STARD13: variants seen among roughly 807,000 people sequenced by gnomAD.
The protein encoded by STARD13 is StAR related lipid transfer domain containing 13.
In STARD13, 62 loss-of-function variants were observed where a neutral mutation model predicts 106.4. The observed-to-expected ratio is 0.58, with a 90% CI of 0.48 to 0.72. The LOEUF (loss-of-function observed/expected upper bound fraction) is 0.72. Among genes scored for constraint, STARD13 ranks in the 30% least tolerant of loss-of-function variants. STARD13 has a pLI of 0.00. For synonymous variants in STARD13, 565 were observed against 553.0 expected, an observed-to-expected ratio of 1.02 and a Z score of -0.31; for missense variants, 1,387 against 1,424.0, an observed-to-expected ratio of 0.97 and a Z score of 0.42.
At chr13:33,496,225 AT>A in the STARD13 span, among the ~76,000 whole-genome samples, 3 of 146,786 alleles carry the variant, frequency 2.0e-5, no homozygotes, top group African/African-American at 4.9e-5. Flanking sequence ...ACATAATATA[AT>A]TTATAGTATA....
chr13:33,262,662 A>ACAACACACAC (rs5802678), intron 1 of STARD13, among the ~76,000 whole-genome samples: 17 of 114,986 alleles, frequency 1.5e-4, no homozygotes, highest in African/African-American at 5.2e-4. Flanking sequence ...ACACACACAC[A>ACAACACACAC]ACACACACAC....
chr13:33,187,645 A>T (rs1191059829), intron 1 of STARD13, among the ~76,000 whole-genome samples: 1 of 152,118 alleles, frequency 6.6e-6, no homozygotes, highest in Non-Finnish European at 1.5e-5. Context: ...GTAAAAAAAA[A>T]ATTAAATGAA....
the STARD13 span, among the ~76,000 whole-genome samples, chr13:33,356,233 ACTGT>A: frequency 7.2e-5 from 11 of 152,186 alleles, no homozygotes; most frequent in Non-Finnish European, 1.3e-4. Context: ...TATCCTTCAG[ACTGT>A]CTGTTTTATA....
the STARD13 span, among the ~76,000 whole-genome samples, chr13:33,478,277 C>T: frequency 3.3e-5 from 5 of 152,110 alleles, no homozygotes; most frequent in African/African-American, 1.2e-4. Context: ...AGCCCAAATC[C>T]TTGGTGTTTC....
At chr13:33,601,125 C>T in the STARD13 span, among the ~76,000 whole-genome samples, 3 of 151,950 alleles carry the variant, frequency 2.0e-5, no homozygotes, top group Non-Finnish European at 2.9e-5. Flanking sequence ...AAAACATGGT[C>T]GCCCTATGAT....
chr13:33,382,952 C>T, the STARD13 span, among the ~76,000 whole-genome samples: 1 of 152,170 alleles, frequency 6.6e-6, no homozygotes, highest in South Asian at 2.1e-4. Flanking sequence ...CCAGGCAGTA[C>T]TTTATTTATA....
chr13:33,519,792 G>A, the STARD13 span, among the ~76,000 whole-genome samples: 45 of 152,128 alleles, frequency 3.0e-4, no homozygotes, highest in Non-Finnish European at 5.6e-4. Context: ...TATTTCTCCC[G>A]TCTTTTTGTA....
At chr13:33,350,877 G>A (rs371735112), upstream of STARD13, among the ~76,000 whole-genome samples, 35 of 152,142 alleles carry the variant, frequency 2.3e-4, no homozygotes, top group African/African-American at 8.0e-4. Context: ...TCAGGGGCTG[G>A]ACCATACTCC....
the STARD13 span, among the ~76,000 whole-genome samples, chr13:33,404,766 T>C: frequency 6.7e-6 from 1 of 150,214 alleles, no homozygotes; most frequent in Non-Finnish European, 1.5e-5. Context: ...CAGAATCACC[T>C]CTGGGACTTT....
the STARD13 span, among the ~76,000 whole-genome samples, chr13:33,374,010 C>G: frequency 6.6e-6 from 1 of 152,108 alleles, no homozygotes. Flanking sequence ...GCATTATGCA[C>G]AAGAACCAAA....
intron 3 of STARD13, among the ~76,000 whole-genome samples, chr13:33,153,165 T>A (rs1881509704): frequency 6.6e-6 from 1 of 152,148 alleles, no homozygotes; most frequent in African/African-American, 2.4e-5. Flanking sequence ...AGGTTCCAGT[T>A]CAATTTAACA....
At chr13:33,358,127 A>G in the STARD13 span, among the ~76,000 whole-genome samples, 1 of 152,240 alleles carries the variant, frequency 6.6e-6, no homozygotes. Context: ...CACCCGGGCC[A>G]GTGGCTGCGG....
chr13:33,561,187 A>G, the STARD13 span, among the ~76,000 whole-genome samples: 3 of 151,408 alleles, frequency 2.0e-5, no homozygotes, highest in African/African-American at 4.9e-5. Flanking sequence ...TTTCTAACAG[A>G]TAGATGTTAG....
the STARD13 span, among the ~76,000 whole-genome samples, chr13:33,621,646 C>A: frequency 1.8e-4 from 23 of 128,446 alleles, no homozygotes; most frequent in South Asian, 6.0e-3. Context: ...CGCCATTGCA[C>A]TCCAGCCTGG....
chr13:33,349,577 A>T (rs956774715), intron 1 of STARD13, among the ~76,000 whole-genome samples: 2 of 152,152 alleles, frequency 1.3e-5, no homozygotes, highest in Non-Finnish European at 2.9e-5. Context: ...CGGCCTTCTG[A>T]TCCACGCAAG....
chr13:33,601,724 C>G, the STARD13 span, among the ~76,000 whole-genome samples: 5 of 152,190 alleles, frequency 3.3e-5, no homozygotes, highest in African/African-American at 1.2e-4. Flanking sequence ...CCCCACACTT[C>G]CTGCTCCTCC....
exon 1 of STARD13, chr13:33,350,568 G>C: frequency 2.1e-6 from 3 of 1,397,272 alleles, no homozygotes; most frequent in Non-Finnish European, 1.9e-6. Context: ...TCCGGCGCTG[G>C]GAGGCTGCGC....
At position 33,186,121 on chromosome 13, in the gene STARD13, C is replaced by G. The variant is rs1885749180; in HGVS notation, c.170-18499G>C. On this transcript the variant is annotated intron_variant, in intron 1 of 13. Transcript: ENST00000336934. The stretch of plus-strand genomic sequence containing the variant: ...AGGAACCTCACTGCTCCCCAGTGAC[C>G]TGCGAAGCCTCAGCTGAGATTCCAA... 6 of 1,427,488 alleles carry G rather than the reference C, an allele frequency of 4.2e-6. No individual in the cohort carries two copies. The South Asian group carries it at 4.3e-5, about 10-fold the overall frequency. 88.4% of individuals were successfully genotyped at this position (1,427,488 alleles called of 1,614,324 possible).
chr13:33,648,116 C>T, the STARD13 span, among the ~76,000 whole-genome samples: 1 of 152,124 alleles, frequency 6.6e-6, no homozygotes, highest in East Asian at 1.9e-4. Context: ...ACAAACAAGC[C>T]TACATGACAA....
Sources: allele counts gnomAD v4.1 joint callset (sites outside exome capture counted in the v4.1 genomes callset), GRCh38; gene constraint gnomAD v4.1.1; transcripts MANE v1.5; gene names NCBI Gene and HGNC (gene_info 2026-07-23, HGNC 2026-07-21).